DDX59: variants seen among roughly 807,000 people sequenced by gnomAD.
DDX59 encodes probable ATP-dependent RNA helicase DDX59.
In DDX59, 30 loss-of-function variants were observed where a neutral mutation model predicts 51.9. The ratio of observed to expected loss-of-function variants is 0.58; its 90% CI spans 0.43 to 0.78. The LOEUF (loss-of-function observed/expected upper bound fraction) is 0.78. Ranked by LOEUF, DDX59 falls within the 30% of genes least tolerant of loss-of-function variation. The pLI is 0.00. For synonymous variants in DDX59, 255 were observed against 253.3 expected, an observed-to-expected ratio of 1.01 and a Z score of -0.06; for missense variants, 672 against 730.8, an observed-to-expected ratio of 0.92 and a Z score of 0.93.
intron 4 of DDX59, among the ~76,000 whole-genome samples, chr1:200,651,305 C>CA (rs1208604853): frequency 6.6e-6 from 1 of 151,984 alleles, no homozygotes; most frequent in African/African-American, 2.4e-5. Context: ...GGTGATCCCC[C>CA]CTAAATTCAT....
chr1:200,657,209 C>T (rs933952544), intron 4 of DDX59, among the ~76,000 whole-genome samples: 2 of 138,752 alleles, frequency 1.4e-5, no homozygotes, highest in Non-Finnish European at 3.0e-5. Flanking sequence ...CAAGATCGTG[C>T]CATTGTACTC....
At chr1:200,641,240 A>C (rs1449965347), downstream of DDX59, 1 of 1,304,226 alleles carries the variant, frequency 7.7e-7, no homozygotes, top group South Asian at 1.2e-5. Context: ...GAAGGGCACA[A>C]CCCAAATAAT....
In DDX59 at chr1:200,648,317, G is replaced by A. The variant is rs118040002; in HGVS notation, c.1596+122C>T. 4.8e-5 allele frequency: 64 copies of A among 1,343,324 alleles called. No homozygotes were observed. In the East Asian group the frequency reaches 1.5e-3, roughly 31 times the overall value. The allele number at this position is 1,343,324 out of a possible 1,614,324, so 83.2% of individuals were successfully genotyped here. A position where few individuals can be genotyped will look rare whatever the true frequency, so the allele number is the denominator to read the frequency against. On this transcript the variant is annotated intron_variant, in intron 7 of 7. Coordinates refer to ENST00000331314, the MANE Select transcript of DDX59 (RefSeq NM_001031725.6). ...CCGCGATGGCCTTCCAAAGTGCTGG[G>A]ATTACAGGTGTGAGCCACTGTCCTG...
intron 4 of DDX59, among the ~76,000 whole-genome samples, chr1:200,655,263 T>C (rs1661944424): frequency 6.6e-6 from 1 of 152,188 alleles, no homozygotes; most frequent in Non-Finnish European, 1.5e-5. Flanking sequence ...TCTTGCCTTC[T>C]TCTTCCTCTC....
chr1:200,663,812 G>A (rs1571649217), intron 3 of DDX59, 107 bp downstream of exon 3: 2 of 1,091,572 alleles, frequency 1.8e-6, no homozygotes, highest in Non-Finnish European at 1.2e-6. Flanking sequence ...AGAATTTAAA[G>A]GCTCTCTAAA....
chr1:200,654,068 C>T (rs941328020), intron 4 of DDX59, among the ~76,000 whole-genome samples: 8 of 152,160 alleles, frequency 5.3e-5, no homozygotes, highest in African/African-American at 1.2e-4. Context: ...AAGCACCTTC[C>T]TATGTCAGGC....
At chr1:200,664,983 AT>A (rs1394215650) in intron 2 of DDX59, among the ~76,000 whole-genome samples, 2 of 152,102 alleles carry the variant, frequency 1.3e-5, no homozygotes, top group African/African-American at 2.4e-5. Flanking sequence ...CCTTCCCCAC[AT>A]TTTTTACTCA....
intron 3 of DDX59, among the ~76,000 whole-genome samples, chr1:200,662,099 T>C (rs1454771734): frequency 6.6e-6 from 1 of 152,210 alleles, no homozygotes; most frequent in Non-Finnish European, 1.5e-5. Flanking sequence ...GAAGCCACTA[T>C]GCTTCCTGTA....
At chr1:200,650,401 A>T (rs1490594235) in intron 5 of DDX59, 24 bp downstream of exon 5, 1 of 1,594,500 alleles carries the variant, frequency 6.3e-7, no homozygotes, top group Non-Finnish European at 8.6e-7. Flanking sequence ...TCCATAAAAC[A>T]TAGTTAACTG....
Position 200,665,939 on chromosome 1 carries a change from C to G in DDX59, c.802G>C (p.Glu268Gln). The change falls in exon 2 of 8, where the codon GAG becomes CAG. Residue 268 changes from glutamate (E) to glutamine (Q), a missense_variant and splice_region_variant. By Grantham distance (29) the Glu-to-Gln change is conservative. Coordinates refer to ENST00000331314, the MANE Select transcript of DDX59 (RefSeq NM_001031725.6). ...TGAACTCTATTATTAACACTTACCT[C>G]GAATAAAGCTCGCATGATAACAGGA... ...LLPVIMRALF[E>Q]SKTPSALILT... is the part of the protein sequence containing the mutation. 1 of 1,598,514 alleles carries G rather than the reference C, an allele frequency of 6.3e-7. No homozygotes were observed. Among genetic ancestry groups the G allele is most frequent in the Non-Finnish European group, 8.5e-7 (1 of 1,172,674 alleles).
intron 4 of DDX59, among the ~76,000 whole-genome samples, chr1:200,651,063 T>C (rs1661628917): frequency 6.6e-6 from 1 of 152,176 alleles, no homozygotes; most frequent in African/African-American, 2.4e-5. Context: ...CAGAATATTA[T>C]GTGTAACAAG....
chr1:200,650,901 A>G (rs1661618551), intron 4 of DDX59, among the ~76,000 whole-genome samples: 1 of 152,218 alleles, frequency 6.6e-6, no homozygotes, highest in African/African-American at 2.4e-5. Context: ...CATTATTAAT[A>G]GTAGCAAAAA....
At position 200,649,060 on chromosome 1, in the gene DDX59, A is replaced by T. The variant is rs781251823; in HGVS notation, c.1467+14T>A. ...ATTTATAGAAAACAGAATATAGAAT[A>T]TTGGGTGTCAAACCTTCAATATGTT... On this transcript the variant is annotated intron_variant, in intron 6 of 7. Transcript: ENST00000331314. 2 of 1,545,626 alleles carry T rather than the reference A, an allele frequency of 1.3e-6. No homozygotes were observed. The highest frequency in any genetic ancestry group is 1.4e-5 in the African/African-American group (1 of 71,488).
At chr1:200,641,315 T>TA (rs1434359299), downstream of DDX59, 1 of 910,748 alleles carries the variant, frequency 1.1e-6, no homozygotes, top group Non-Finnish European at 1.5e-6. Context: ...GGATCCAGCT[T>TA]AGATTTATTA....
Position 200,666,335 on chromosome 1 carries a change from G to A in DDX59, c.406C>T (p.Leu136Phe). ...TCTTCCTTTTCCTTAACTTGTAGAA[G>A]ATGTTTCGCTTTACACTCCAAACTA... The part of the protein sequence containing the change: ...VCSLECKAKH[L>F]LQVKEKEEKS... The change falls in exon 2 of 8, where the codon CTT becomes TTT. Residue 136 changes from leucine to phenylalanine, a missense_variant. Leu to Phe is a conservative substitution (Grantham distance 22, BLOSUM62 0). Coordinates refer to ENST00000331314, the MANE Select transcript of DDX59 (RefSeq NM_001031725.6). The A allele has an allele frequency of 1.2e-6, 2 of 1,614,172 alleles. No homozygotes were observed. The highest frequency in any genetic ancestry group is 2.2e-5 in the East Asian group (1 of 44,886).
intron 7 of DDX59, among the ~76,000 whole-genome samples, chr1:200,646,467 T>C (rs1661302957): frequency 6.6e-6 from 1 of 152,168 alleles, no homozygotes; most frequent in Admixed American, 6.5e-5. Flanking sequence ...GAATAGACAT[T>C]TCTCCAAAGA....
At position 200,649,180 on chromosome 1, in the gene DDX59, T is replaced by G; in HGVS notation, c.1361A>C (p.Lys454Thr). ...KPPVLVFVDC[K>T]LGADLLSEAV... Reference sequence around the variant, plus strand: ...TTCACTCAAAAGATCTGCTCCTAGTTTGCAGTCCACAAATACTAACACTGG... The same window carrying G: ...TTCACTCAAAAGATCTGCTCCTAGTGTGCAGTCCACAAATACTAACACTGG... The change falls in exon 6 of 8, where the codon AAA becomes ACA. Residue 454 changes from lysine to threonine, a missense_variant. Coordinates refer to ENST00000331314, the MANE Select transcript of DDX59 (RefSeq NM_001031725.6). 1 of 1,598,432 alleles carries G rather than the reference T, an allele frequency of 6.3e-7. No homozygotes were observed. The highest frequency in any genetic ancestry group is 8.5e-7 in the Non-Finnish European group (1 of 1,175,134).
intron 7 of DDX59, among the ~76,000 whole-genome samples, chr1:200,648,202 A>G (rs1661417012): frequency 6.6e-6 from 1 of 151,236 alleles, no homozygotes; most frequent in Non-Finnish European, 1.5e-5. Flanking sequence ...TTTTTTTTGT[A>G]TTTTTAGTAG....
chr1:200,651,201 GT>G (rs199874826), intron 4 of DDX59, among the ~76,000 whole-genome samples: 20 of 148,166 alleles, frequency 1.3e-4, no homozygotes, highest in Admixed American at 6.1e-4. Context: ...TGCAAAGTTT[GT>G]TTTTTTTTTA....
Sources: allele counts gnomAD v4.1 joint callset (sites outside exome capture counted in the v4.1 genomes callset), GRCh38; gene constraint gnomAD v4.1.1; transcripts MANE v1.5; gene names NCBI Gene and HGNC (gene_info 2026-07-23, HGNC 2026-07-21).